Variants in SIPA1L1 observed in about 807,000 individuals in gnomAD.
The protein encoded by SIPA1L1 is signal-induced proliferation-associated 1-like protein 1.
A neutral mutation model predicts 162.7 loss-of-function variants in SIPA1L1; 26 were observed. That is an observed-to-expected ratio of 0.16 (90% CI 0.12 to 0.22). The LOEUF is 0.22. SIPA1L1 is among the 10% of genes least tolerant of loss of function. SIPA1L1 has a pLI of 1.00. For synonymous variants in SIPA1L1, 829 were observed against 837.4 expected (o/e 0.99, Z 0.17); for missense variants, 1,874 against 2,241.0 (o/e 0.84, Z 3.31).
At chr14:71,561,067 T>A (rs2056749524) in intron 4 of SIPA1L1, among the ~76,000 whole-genome samples, 1 of 152,222 alleles carries the variant, frequency 6.6e-6, no homozygotes, top group African/African-American at 2.4e-5. Flanking sequence ...AAGAGTTCTT[T>A]TTAGTAGCTC....
chr14:71,438,143 A>G (rs1474850056), intron 2 of SIPA1L1, among the ~76,000 whole-genome samples: 1 of 145,866 alleles, frequency 6.9e-6, no homozygotes, highest in African/African-American at 2.6e-5. Context: ...TTTTAGTTAA[A>G]CAAAACAAAA....
At chr14:71,387,527 G>A (rs374107112) in intron 2 of SIPA1L1, among the ~76,000 whole-genome samples, 13 of 152,182 alleles carry the variant, frequency 8.5e-5, no homozygotes, top group East Asian at 3.8e-4. Flanking sequence ...CATCATTACT[G>A]TAGCCAAGAA....
At chr14:71,544,457 A>G (rs1478467429) in intron 4 of SIPA1L1, among the ~76,000 whole-genome samples, 1 of 152,044 alleles carries the variant, frequency 6.6e-6, no homozygotes, top group Non-Finnish European at 1.5e-5. Context: ...TCTCTTGATG[A>G]ACAAAAAGTT....
At chr14:71,635,298 GA>G (rs953955306) in intron 7 of SIPA1L1, among the ~76,000 whole-genome samples, 18 of 151,556 alleles carry the variant, frequency 1.2e-4, no homozygotes, top group African/African-American at 4.1e-4. Context: ...CAAACAAACA[GA>G]AAAAAAGGGA....
chr14:71,553,187 T>G (rs1041174860), intron 4 of SIPA1L1, among the ~76,000 whole-genome samples: 1 of 152,218 alleles, frequency 6.6e-6, no homozygotes, highest in South Asian at 2.1e-4. Context: ...GCTTTTTTGG[T>G]GGGGTGAATG....
Position 71,587,656 on chromosome 14 carries a change from T to G in SIPA1L1, c.-217T>G, listed in dbSNP as rs995380426. Reference sequence around the variant, plus strand: ...TCTGAAAGAAAGCCCTCTGTTAAAGTGAAGCAAAGAAACTGTTGTGGATTA... The same window carrying G: ...TCTGAAAGAAAGCCCTCTGTTAAAGGGAAGCAAAGAAACTGTTGTGGATTA... On this transcript the variant is annotated 5_prime_UTR_variant, in exon 5 of 24. The change abolishes the stop of an existing upstream ORF in the 5' untranslated region. Transcript: ENST00000381232. 3.1e-5 allele frequency: 15 copies of G among 488,746 alleles called. No homozygotes were observed. Among genetic ancestry groups the G allele is most frequent in the Non-Finnish European group, 5.4e-5 (15 of 279,740 alleles). The allele number at this position is 488,746 out of a possible 1,614,324, so 30.3% of individuals were successfully genotyped here. A position where few individuals can be genotyped will look rare whatever the true frequency, so the allele number is the denominator to read the frequency against.
At chr14:71,532,833 C>T (rs1198258079) in intron 4 of SIPA1L1, among the ~76,000 whole-genome samples, 1 of 152,140 alleles carries the variant, frequency 6.6e-6, no homozygotes, top group Non-Finnish European at 1.5e-5. Flanking sequence ...TAGGAGATTC[C>T]TCCATGGTTC....
intron 19 of SIPA1L1, among the ~76,000 whole-genome samples, chr14:71,725,914 A>G (rs1242995228): frequency 6.6e-6 from 1 of 152,228 alleles, no homozygotes; most frequent in Non-Finnish European, 1.5e-5. Context: ...AATGGAAGCT[A>G]GAATATTTCC....
At position 71,598,065 on chromosome 14, in the gene SIPA1L1, A is replaced by G. The variant is rs555478076; in HGVS notation, c.1498+8695A>G. On this transcript the variant is annotated intron_variant, in intron 5 of 23. Transcript: ENST00000381232. Reference sequence around the variant, plus strand: ...AAAAGGTAGAGGAAGCCGTCTGTGTATATGGCCTTGTGTTATACTCCAGAC... The same window carrying G: ...AAAAGGTAGAGGAAGCCGTCTGTGTGTATGGCCTTGTGTTATACTCCAGAC... 4.6e-5 allele frequency among the ~76,000 whole-genome samples: 7 copies of G among 152,334 alleles called. 1 individual carries two copies. The highest frequency in any genetic ancestry group is 1.7e-4 in the African/African-American group (7 of 41,580).
At chr14:71,528,700 T>G (rs930765867) in intron 3 of SIPA1L1, 2 of 152,208 alleles carry the variant, frequency 1.3e-5, no homozygotes, top group Admixed American at 6.5e-5. Flanking sequence ...TTGTTTCAGC[T>G]TTATAAATAG....
At chr14:71,627,161 T>C (rs1304207067) in intron 7 of SIPA1L1, among the ~76,000 whole-genome samples, 1 of 50,764 alleles carries the variant, frequency 2.0e-5, no homozygotes, top group Non-Finnish European at 3.7e-5. Flanking sequence ...TTTTTTTTTT[T>C]TTTTTTTTTT....
At chr14:71,479,998 A>G (rs543641128) in intron 2 of SIPA1L1, among the ~76,000 whole-genome samples, 3 of 152,068 alleles carry the variant, frequency 2.0e-5, no homozygotes, top group African/African-American at 4.8e-5. Flanking sequence ...CTCAGCCTCC[A>G]AAAATGCTGG....
chr14:71,612,040 G>A (rs1464805295), intron 5 of SIPA1L1, among the ~76,000 whole-genome samples: 2 of 152,144 alleles, frequency 1.3e-5, no homozygotes, highest in African/African-American at 4.8e-5. Context: ...AGCTATTGAA[G>A]TGTCACTGTT....
chr14:71,669,806 A>G (rs937108551), intron 10 of SIPA1L1, among the ~76,000 whole-genome samples: 1 of 152,216 alleles, frequency 6.6e-6, no homozygotes, highest in African/African-American at 2.4e-5. Flanking sequence ...AGGCCATCCC[A>G]TGGCATCTTC....
In SIPA1L1 at chr14:71,321,151, G is replaced by A. The variant is rs963796742; in HGVS notation, c.-495G>A. ...AGCGCGCGGCGGACGCGCCCGGGAC[G>A]CGCGGCGGCACCGGGAGGCCGGGCC... On this transcript the variant is annotated 5_prime_UTR_variant, in exon 2 of 24. Coordinates refer to ENST00000381232, the MANE Select transcript of SIPA1L1 (RefSeq NM_001386936.1). 1 of 152,120 alleles carries A rather than the reference G, an allele frequency of 6.6e-6. No homozygotes were observed. Among genetic ancestry groups the A allele is most frequent in the African/African-American group, 2.4e-5 (1 of 41,418 alleles). The allele number at this position is 152,120 out of a possible 1,614,324, so 9.4% of individuals were successfully genotyped here.
chr14:71,685,684 AAC>A, intron 13 of SIPA1L1, 53 bp downstream of exon 13: 3 of 1,594,656 alleles, frequency 1.9e-6, no homozygotes, highest in South Asian at 2.2e-5. Flanking sequence ...AAATGTAAGT[AAC>A]ACAGACCCAT....
At chr14:71,601,675 A>G (rs1244352288) in intron 5 of SIPA1L1, among the ~76,000 whole-genome samples, 1 of 152,066 alleles carries the variant, frequency 6.6e-6, no homozygotes, top group South Asian at 2.1e-4. Flanking sequence ...TGTATTCTTT[A>G]TAAGTTTGAT....
At chr14:71,382,902 C>A (rs940183838) in intron 2 of SIPA1L1, among the ~76,000 whole-genome samples, 2 of 151,938 alleles carry the variant, frequency 1.3e-5, no homozygotes, top group African/African-American at 2.4e-5. Context: ...TGATGGGTGC[C>A]CCAGAGAGGC....
intron 9 of SIPA1L1, among the ~76,000 whole-genome samples, chr14:71,660,024 A>G (rs923167937): frequency 6.6e-6 from 1 of 152,110 alleles, no homozygotes; most frequent in Non-Finnish European, 1.5e-5. Flanking sequence ...TATATGTAGT[A>G]TAAGATGGAA....
Sources: gnomAD v4.1 joint callset for allele counts (sites outside exome capture counted in the v4.1 genomes callset) on GRCh38, gnomAD v4.1.1 for gene constraint, MANE v1.5 for transcripts, NCBI Gene and HGNC (gene_info 2026-07-23, HGNC 2026-07-21) for gene names.